SPMIP2: variants seen among roughly 807,000 people sequenced by gnomAD.
SPMIP2 encodes the protein protein SPMIP2.
At chr4:158,960,251 C>T in the SPMIP2 span, 1 of 1,231,666 alleles carries the variant, frequency 8.1e-7, no homozygotes, top group Non-Finnish European at 1.2e-6. Context: ...GAAAGAAACA[C>T]AGTAATTAAT....
At chr4:159,070,802 T>C in the SPMIP2 span, among the ~76,000 whole-genome samples, 3 of 152,204 alleles carry the variant, frequency 2.0e-5, no homozygotes, top group Admixed American at 2.0e-4. Context: ...CTGAAAGATA[T>C]GAGTGAAAAC....
At chr4:158,915,331 G>C in the SPMIP2 span, 1 of 1,612,714 alleles carries the variant, frequency 6.2e-7, no homozygotes, top group African/African-American at 1.3e-5. Flanking sequence ...TGTTTTCCTT[G>C]CATATCCAGG....
At chr4:158,965,405 G>A in the SPMIP2 span, among the ~76,000 whole-genome samples, 35,636 of 152,044 alleles carry the variant, frequency 0.23, 4,508 homozygotes, top group Non-Finnish European at 0.29. Flanking sequence ...TCAAGCAACA[G>A]AAAGCTATAC....
chr4:158,984,521 C>T, the SPMIP2 span, among the ~76,000 whole-genome samples: 2 of 151,568 alleles, frequency 1.3e-5, no homozygotes. Flanking sequence ...ACAACCTGCT[C>T]CTGAATGACT....
the SPMIP2 span, chr4:158,893,541 C>T: frequency 3.5e-6 from 2 of 579,622 alleles, no homozygotes; most frequent in Admixed American, 3.1e-5. Context: ...ACCTTTTTTC[C>T]AAACTGTTTA....
the SPMIP2 span, among the ~76,000 whole-genome samples, chr4:158,962,243 C>T: frequency 6.6e-6 from 1 of 152,160 alleles, no homozygotes; most frequent in African/African-American, 2.4e-5. Flanking sequence ...AAGACTTTCA[C>T]TTTTAATCTC....
chr4:158,895,873 C>T, the SPMIP2 span: 1 of 1,584,798 alleles, frequency 6.3e-7, no homozygotes, highest in Non-Finnish European at 8.7e-7. Context: ...GGGGTGAGTT[C>T]TGTGAAGTGC....
the SPMIP2 span, among the ~76,000 whole-genome samples, chr4:158,971,135 T>G: frequency 6.6e-6 from 1 of 151,914 alleles, no homozygotes; most frequent in South Asian, 2.1e-4. Flanking sequence ...AGCAGAAAAA[T>G]AGGTTAAGTT....
At chr4:158,952,700 C>T in the SPMIP2 span, among the ~76,000 whole-genome samples, 1 of 152,178 alleles carries the variant, frequency 6.6e-6, no homozygotes, top group African/African-American at 2.4e-5. Context: ...TTGGAACTTC[C>T]TAGAGACTTG....
the SPMIP2 span, among the ~76,000 whole-genome samples, chr4:159,044,744 A>G: frequency 2.0e-5 from 3 of 152,182 alleles, 1 homozygote; most frequent in South Asian, 6.2e-4. Context: ...ACATTTTTCA[A>G]GGTGACGAAT....
the SPMIP2 span, among the ~76,000 whole-genome samples, chr4:158,912,400 G>C: frequency 1.7e-3 from 260 of 152,302 alleles, no homozygotes; most frequent in African/African-American, 5.8e-3. Context: ...TGATGGGAAA[G>C]TTTATGATAC....
the SPMIP2 span, among the ~76,000 whole-genome samples, chr4:159,039,809 T>C: frequency 2.0e-5 from 3 of 152,252 alleles, no homozygotes; most frequent in African/African-American, 4.8e-5. Context: ...GATAATTGAA[T>C]AGCTAATTCA....
At chr4:159,019,046 C>T in the SPMIP2 span, among the ~76,000 whole-genome samples, 1 of 152,106 alleles carries the variant, frequency 6.6e-6, no homozygotes, top group Non-Finnish European at 1.5e-5. Flanking sequence ...GCCGAGATCG[C>T]GCCACTGGAC....
the SPMIP2 span, among the ~76,000 whole-genome samples, chr4:158,938,122 A>G: frequency 6.6e-6 from 1 of 152,260 alleles, no homozygotes; most frequent in African/African-American, 2.4e-5. Context: ...ATCCCACATT[A>G]GTATGATACC....
the SPMIP2 span, among the ~76,000 whole-genome samples, chr4:158,977,217 T>C: frequency 2.6e-5 from 4 of 152,196 alleles, no homozygotes; most frequent in Non-Finnish European, 5.9e-5. Context: ...GCTGTGAATC[T>C]GTCTGGTCCT....
chr4:159,029,167 A>C, the SPMIP2 span, among the ~76,000 whole-genome samples: 1 of 152,242 alleles, frequency 6.6e-6, no homozygotes, highest in Non-Finnish European at 1.5e-5. Context: ...TTGGTAGTAA[A>C]ACTTCTGTGG....
At chr4:159,007,299 C>G in the SPMIP2 span, 146 of 901,420 alleles carry the variant, frequency 1.6e-4, no homozygotes, top group Middle Eastern at 1.4e-3. Context: ...GACTTCCCTC[C>G]GGGCCCCACT....
the SPMIP2 span, among the ~76,000 whole-genome samples, chr4:158,977,600 C>CTT: frequency 2.4e-3 from 171 of 72,394 alleles, 20 homozygotes; most frequent in African/African-American, 8.8e-3. Context: ...TCCTTCAGTT[C>CTT]TTTTTTTTTT....
the SPMIP2 span, among the ~76,000 whole-genome samples, chr4:159,078,327 A>G: frequency 9.2e-5 from 14 of 152,208 alleles, no homozygotes; most frequent in Non-Finnish European, 1.9e-4. Flanking sequence ...TAAATCCCCA[A>G]GCAATTGGCA....
Sources: allele counts gnomAD v4.1 joint callset (sites outside exome capture counted in the v4.1 genomes callset), GRCh38; gene constraint gnomAD v4.1.1; transcripts MANE v1.5; gene names NCBI Gene and HGNC (gene_info 2026-07-23, HGNC 2026-07-21).